LGR5: variants seen among roughly 807,000 people sequenced by gnomAD.
The protein encoded by LGR5 is leucine rich repeat containing G protein-coupled receptor 5.
In LGR5, 54 loss-of-function variants were observed where a neutral mutation model predicts 76.7. The ratio of observed to expected loss-of-function variants is 0.70; its 90% confidence interval spans 0.57 to 0.88. The LOEUF (loss-of-function observed/expected upper bound fraction) is 0.88, where lower values mean the gene tolerates loss of function less well. LGR5 is among the 40% of genes least tolerant of loss of function. The pLI, the probability that LGR5 is intolerant of heterozygous loss-of-function variation, is 0.00. For synonymous variants in LGR5, 406 were observed against 421.9 expected (o/e 0.96, Z 0.46); for missense variants, 1,078 against 1,073.3 (o/e 1.00, Z -0.06).
At chr12:71,568,113 A>G (rs1878439004) in intron 11 of LGR5, among the ~76,000 whole-genome samples, 1 of 152,192 alleles carries the variant, frequency 6.6e-6, no homozygotes, top group African/African-American at 2.4e-5. Context: ...TTAGGATTTT[A>G]CATACTGGAG....
At chr12:71,569,642 A>G (rs1356235999) in intron 11 of LGR5, among the ~76,000 whole-genome samples, 1 of 152,246 alleles carries the variant, frequency 6.6e-6, no homozygotes, top group Non-Finnish European at 1.5e-5. Context: ...GGCAATTATT[A>G]AAAAGTCAAG....
chr12:71,502,193 CT>C (rs776486573), intron 1 of LGR5, among the ~76,000 whole-genome samples: 211 of 123,158 alleles, frequency 1.7e-3, no homozygotes, highest in Admixed American at 2.1e-3. Flanking sequence ...AGGTACTTTC[CT>C]TTTTTTTTTT....
At chr12:71,551,909 G>A (rs564621254) in intron 4 of LGR5, among the ~76,000 whole-genome samples, 1 of 152,184 alleles carries the variant, frequency 6.6e-6, no homozygotes, top group Non-Finnish European at 1.5e-5. Context: ...CAAATGGTTA[G>A]GATAAGCAAG....
Position 71,450,886 on chromosome 12 carries a change from A to G in LGR5, c.212+10594A>G, listed in dbSNP as rs77702096. On this transcript the variant is annotated intron_variant, in intron 1 of 17. Coordinates refer to ENST00000266674, the MANE Select transcript of LGR5 (RefSeq NM_003667.4). The stretch of plus-strand genomic sequence containing the variant: ...TCTGGTCATGTCTTACCTATATTCA[A>G]TCCTTCAATGGTGTCCTGTGATTTC... 1.7e-3 allele frequency among the ~76,000 whole-genome samples: 254 copies of G among 152,104 alleles called. 4 individuals are homozygous for G. In the East Asian group the frequency reaches 0.026, roughly 16 times the overall value.
At chr12:71,542,642 T>C (rs545007416) in intron 4 of LGR5, among the ~76,000 whole-genome samples, 3 of 152,234 alleles carry the variant, frequency 2.0e-5, no homozygotes, top group South Asian at 4.1e-4. Flanking sequence ...GAATTGGCTA[T>C]GAAGAATGAA....
chr12:71,446,277 AT>A (rs1407945905), intron 1 of LGR5, among the ~76,000 whole-genome samples: 2 of 152,250 alleles, frequency 1.3e-5, no homozygotes, highest in Non-Finnish European at 2.9e-5. Context: ...ATACAGCTGA[AT>A]TGTGTTCAGT....
intron 4 of LGR5, among the ~76,000 whole-genome samples, chr12:71,548,321 G>GTGTGTGTGTGTGTA (rs147007812): frequency 0.26 from 39,136 of 151,082 alleles, 5,518 homozygotes; most frequent in Middle Eastern, 0.35. Context: ...GTGTGTGTGT[G>GTGTGTGTGTGTGTA]TGTGCGTAGA....
At chr12:71,532,691 A>G (rs1297135955) in intron 3 of LGR5, among the ~76,000 whole-genome samples, 1 of 152,208 alleles carries the variant, frequency 6.6e-6, no homozygotes, top group Non-Finnish European at 1.5e-5. Context: ...CATTATACAG[A>G]TAAAAGACCA....
intron 4 of LGR5, among the ~76,000 whole-genome samples, chr12:71,550,465 T>C (rs1309974418): frequency 3.4e-5 from 5 of 147,248 alleles, no homozygotes; most frequent in African/African-American, 1.0e-4. Context: ...TACTTTCTTT[T>C]TTTTTTTTTT....
chr12:71,481,739 G>A (rs920099910), intron 1 of LGR5, among the ~76,000 whole-genome samples: 25 of 152,134 alleles, frequency 1.6e-4, no homozygotes, highest in African/African-American at 5.8e-4. Context: ...ACAAGGTAGG[G>A]ACAACAATGG....
chr12:71,514,017 C>G (rs537555393), intron 2 of LGR5, among the ~76,000 whole-genome samples: 4 of 152,030 alleles, frequency 2.6e-5, no homozygotes, highest in Non-Finnish European at 4.4e-5. Flanking sequence ...CAGAGTGGTG[C>G]GTACCTGTAG....
intron 2 of LGR5, among the ~76,000 whole-genome samples, chr12:71,507,314 C>CT (rs999725639): frequency 2.0e-5 from 3 of 151,456 alleles, no homozygotes; most frequent in East Asian, 1.9e-4. Flanking sequence ...TTTATTTGCG[C>CT]TTTTTTTTTC....
intron 1 of LGR5, among the ~76,000 whole-genome samples, chr12:71,494,986 G>C (rs1192386429): frequency 6.6e-6 from 1 of 151,090 alleles, no homozygotes; most frequent in African/African-American, 2.5e-5. Context: ...CAGATGCAGT[G>C]AGAAAGCAGT....
intron 3 of LGR5, among the ~76,000 whole-genome samples, chr12:71,525,510 C>T (rs1009362600): frequency 3.3e-4 from 50 of 151,398 alleles, no homozygotes; most frequent in Non-Finnish European, 1.6e-4. Context: ...GCACCAGCTC[C>T]GATGCATATA....
In LGR5 at chr12:71,571,549, G is replaced by C. The variant is rs778235391; in HGVS notation, c.1106G>C (p.Ser369Thr). 3 of 1,613,110 alleles carry C rather than the reference G, an allele frequency of 1.9e-6. No individual in the cohort carries two copies. In the East Asian group the frequency reaches 6.7e-5, roughly 36 times the overall value. The change falls in exon 12 of 18, where the codon AGT becomes ACT. Residue 369 changes from serine to threonine, a missense_variant. By Grantham distance (58) the Ser-to-Thr change is moderately conservative. Coordinates refer to ENST00000266674, the MANE Select transcript of LGR5 (RefSeq NM_003667.4). ...LSYNLLEDLPSFSVCQKLQKI... is the reference protein window; with the variant it reads ...LSYNLLEDLPTFSVCQKLQKI... ...TACAACCTATTAGAAGATTTACCCA[G>C]TTTTTCAGTCTGCCAAAAGCTTCAG...
intron 4 of LGR5, among the ~76,000 whole-genome samples, chr12:71,539,544 C>T (rs1480161892): frequency 6.6e-6 from 1 of 152,178 alleles, no homozygotes; most frequent in East Asian, 1.9e-4. Flanking sequence ...GTGGTGCGAT[C>T]TCAGCTCGCT....
chr12:71,530,507 A>C (rs1876251108), intron 3 of LGR5, among the ~76,000 whole-genome samples: 2 of 152,238 alleles, frequency 1.3e-5, no homozygotes, highest in South Asian at 4.1e-4. Flanking sequence ...ATGGAGAATG[A>C]AGACAGCAGC....
intron 4 of LGR5, among the ~76,000 whole-genome samples, chr12:71,547,663 G>A (rs182523243): frequency 9.2e-5 from 14 of 152,226 alleles, no homozygotes; most frequent in Admixed American, 7.2e-4. Flanking sequence ...CTCAAATCTT[G>A]GAATTAAATG....
At chr12:71,441,263 C>G (rs1871755000) in intron 1 of LGR5, among the ~76,000 whole-genome samples, 1 of 152,170 alleles carries the variant, frequency 6.6e-6, no homozygotes, top group Non-Finnish European at 1.5e-5. Flanking sequence ...GAACCCTATT[C>G]TCGGAGACCA....
Sources: gnomAD v4.1 joint callset for allele counts (sites outside exome capture counted in the v4.1 genomes callset) on GRCh38, gnomAD v4.1.1 for gene constraint, MANE v1.5 for transcripts, NCBI Gene and HGNC (gene_info 2026-07-23, HGNC 2026-07-21) for gene names.